The following ALK variants were observed in gnomAD, a reference collection of about 807,000 sequenced individuals.
The protein encoded by ALK is ALK tyrosine kinase receptor.
In ALK, 74 loss-of-function variants were observed where a neutral mutation model predicts 163.1. The ratio of observed to expected loss-of-function variants is 0.45; its 90% CI spans 0.38 to 0.55. ALK has a LOEUF of 0.55. Ranked by LOEUF, ALK falls within the 20% of genes least tolerant of loss-of-function variation. The pLI is 0.00. For synonymous variants in ALK, 960 were observed against 843.2 expected (o/e 1.14, Z -2.40); for missense variants, 2,063 against 2,105.3 (o/e 0.98, Z 0.39).
At chr2:29,214,546 A>C (rs943620655) in intron 23 of ALK, among the ~76,000 whole-genome samples, 1 of 152,188 alleles carries the variant, frequency 6.6e-6, no homozygotes, top group African/African-American at 2.4e-5. Context: ...ATATTTCTTA[A>C]AACTAATTTT....
In ALK at chr2:29,192,922, A is replaced by G. The variant is rs769102838; in HGVS notation, c.*302T>C. 6.2e-5 allele frequency: 28 copies of G among 454,106 alleles called. No individual in the cohort carries two copies. Among genetic ancestry groups the G allele is most frequent in the Non-Finnish European group, 1.0e-4 (25 of 244,718 alleles). 28.1% of individuals were successfully genotyped at this position (454,106 alleles called of 1,614,324 possible). A position where few individuals can be genotyped will look rare whatever the true frequency, so the allele number is the denominator to read the frequency against. On this transcript the variant is annotated 3_prime_UTR_variant, in exon 29 of 29. Transcript: ENST00000389048. The stretch of plus-strand genomic sequence containing the variant: ...ACTACATTGAAGCAGAGCACACACA[A>G]TTTGAAAGAAGCATAAGGAAGTATA...
intron 3 of ALK, among the ~76,000 whole-genome samples, chr2:29,657,738 C>A (rs187035184): frequency 6.6e-6 from 1 of 151,944 alleles, no homozygotes. Context: ...AGTTAGGTCA[C>A]GGTGGCTAAA....
chr2:29,714,235 C>T (rs1054848508), intron 2 of ALK, among the ~76,000 whole-genome samples: 3 of 152,020 alleles, frequency 2.0e-5, no homozygotes, highest in Non-Finnish European at 2.9e-5. Context: ...GCCCTCTGCT[C>T]GCTGATGATG....
chr2:29,765,538 G>C (rs916616298), intron 1 of ALK, among the ~76,000 whole-genome samples: 2 of 151,994 alleles, frequency 1.3e-5, no homozygotes. Context: ...TCTCAAACTC[G>C]TGGGCTCAAG....
chr2:29,919,510 G>A (rs1175321531), intron 1 of ALK, among the ~76,000 whole-genome samples: 1 of 152,188 alleles, frequency 6.6e-6, no homozygotes, highest in Non-Finnish European at 1.5e-5. Flanking sequence ...TTGGAATGGG[G>A]ACAGTTGGGT....
chr2:29,731,838 C>G (rs1679750283), intron 1 of ALK, among the ~76,000 whole-genome samples: 1 of 152,192 alleles, frequency 6.6e-6, no homozygotes, highest in Non-Finnish European at 1.5e-5. Flanking sequence ...AATACTACAT[C>G]TATCTCTTAT....
intron 1 of ALK, among the ~76,000 whole-genome samples, chr2:29,803,444 C>T (rs961272223): frequency 5.3e-5 from 8 of 152,150 alleles, no homozygotes; most frequent in East Asian, 1.9e-4. Flanking sequence ...TGGTTGTTTA[C>T]GCAAGTCCAC....
chr2:29,755,002 G>A (rs1257679233), intron 1 of ALK, among the ~76,000 whole-genome samples: 3 of 152,242 alleles, frequency 2.0e-5, no homozygotes, highest in Non-Finnish European at 4.4e-5. Context: ...CCCCAGAGCC[G>A]GCAGGAAGCA....
intron 2 of ALK, among the ~76,000 whole-genome samples, chr2:29,696,083 A>G (rs1336509358): frequency 6.6e-6 from 1 of 152,216 alleles, no homozygotes; most frequent in African/African-American, 2.4e-5. Flanking sequence ...AGACATGCCT[A>G]CATATGTTTA....
chr2:29,699,962 C>A (rs938777998), intron 2 of ALK, among the ~76,000 whole-genome samples: 2 of 152,278 alleles, frequency 1.3e-5, no homozygotes, highest in East Asian at 3.9e-4. Context: ...GCAGCTGAGA[C>A]CCCAGCAGGT....
intron 5 of ALK, among the ~76,000 whole-genome samples, chr2:29,342,290 A>T (rs1367818798): frequency 6.6e-6 from 1 of 152,244 alleles, no homozygotes; most frequent in Non-Finnish European, 1.5e-5. Flanking sequence ...ATTCTAACAC[A>T]TGCTTCCATA....
chr2:29,858,913 G>A (rs573361967), intron 1 of ALK, among the ~76,000 whole-genome samples: 11 of 151,896 alleles, frequency 7.2e-5, no homozygotes, highest in African/African-American at 2.7e-4. Context: ...CGTGCCTGTA[G>A]TCCCAGCTAC....
At chr2:29,335,166 T>C (rs1558679676) in intron 5 of ALK, among the ~76,000 whole-genome samples, 1 of 152,148 alleles carries the variant, frequency 6.6e-6, no homozygotes, top group Non-Finnish European at 1.5e-5. Flanking sequence ...CTGAAACACC[T>C]AAATGCCCTA....
At chr2:29,292,902 G>T (rs769935053) in intron 9 of ALK, among the ~76,000 whole-genome samples, 2 of 152,144 alleles carry the variant, frequency 1.3e-5, no homozygotes, top group African/African-American at 2.4e-5. Context: ...CCTTCCCGAG[G>T]ACTACTGTGT....
intron 1 of ALK, among the ~76,000 whole-genome samples, chr2:29,816,378 T>G (rs1348179591): frequency 6.6e-6 from 1 of 152,156 alleles, no homozygotes; most frequent in Non-Finnish European, 1.5e-5. Context: ...ATGAGATACT[T>G]ACATACATAT....
Position 29,871,687 on chromosome 2 carries a change from C to T in ALK, c.667+48306G>A, listed in dbSNP as rs530787825. ...ACTCTACAGTGGTTGCTACTAATATCACATGAGTCCCCTCCCCCACAAAAA... is the reference window on the plus strand; with the variant it reads ...ACTCTACAGTGGTTGCTACTAATATTACATGAGTCCCCTCCCCCACAAAAA... On this transcript the variant is annotated intron_variant, in intron 1 of 28. Coordinates refer to ENST00000389048, the MANE Select transcript of ALK (RefSeq NM_004304.5). 2.6e-5 allele frequency among the ~76,000 whole-genome samples: 4 copies of T among 152,294 alleles called. No homozygotes were observed. In the South Asian group the frequency reaches 8.3e-4, roughly 32 times the overall value.
At chr2:29,342,689 T>C (rs1292086139) in intron 5 of ALK, among the ~76,000 whole-genome samples, 3 of 152,154 alleles carry the variant, frequency 2.0e-5, no homozygotes, top group Non-Finnish European at 2.9e-5. Flanking sequence ...TGTGGCCTAC[T>C]GAGAAAAGCC....
chr2:29,235,775 C>T (rs1664356327), intron 13 of ALK, among the ~76,000 whole-genome samples: 2 of 150,658 alleles, frequency 1.3e-5, no homozygotes. Context: ...TCACTGTAGC[C>T]ACGAACTCCT....
chr2:29,498,122 T>A (rs1672078096), intron 4 of ALK, among the ~76,000 whole-genome samples: 1 of 152,098 alleles, frequency 6.6e-6, no homozygotes, highest in South Asian at 2.1e-4. Context: ...GAATTATGAG[T>A]CTCAGTATTT....
Sources: gnomAD v4.1 joint callset for allele counts (sites outside exome capture counted in the v4.1 genomes callset) on GRCh38, gnomAD v4.1.1 for gene constraint, MANE v1.5 for transcripts, NCBI Gene and HGNC (gene_info 2026-07-23, HGNC 2026-07-21) for gene names.